The following USP37 variants were observed in gnomAD, a reference collection of about 807,000 sequenced individuals.
USP37 encodes the protein ubiquitin carboxyl-terminal hydrolase 37.
In USP37, 27 loss-of-function variants were observed where a neutral mutation model predicts 124.0. The ratio of observed to expected loss-of-function variants is 0.22; its 90% CI spans 0.16 to 0.30. The LOEUF is 0.30. Ranked by LOEUF, USP37 falls within the 10% of genes least tolerant of loss-of-function variation. The pLI, the probability that USP37 is intolerant of heterozygous loss-of-function variation, is 1.00. For missense variants in USP37, 889 were observed against 1,140.4 expected (o/e 0.78, Z 3.17); for synonymous variants, 365 against 388.0 (o/e 0.94, Z 0.70).
At chr2:218,511,604 C>G (rs969405860) in intron 10 of USP37, among the ~76,000 whole-genome samples, 1 of 152,132 alleles carries the variant, frequency 6.6e-6, no homozygotes, top group Non-Finnish European at 1.5e-5. Context: ...GCCACCATGC[C>G]CAGCCTAATT....
chr2:218,466,216 A>T, intron 20 of USP37, 40 bp from the exon 21 acceptor site: 3 of 1,557,188 alleles, frequency 1.9e-6, no homozygotes, highest in Non-Finnish European at 2.6e-6. Context: ...GAAAATCCTA[A>T]TAAATGGAAA....
intron 20 of USP37, among the ~76,000 whole-genome samples, chr2:218,467,351 CTATCTATT>C (rs1471713246): frequency 1.3e-4 from 16 of 127,138 alleles, no homozygotes; most frequent in African/African-American, 2.9e-4. Context: ...ATCTATCTAT[CTATCTATT>C]TTTTTTTGAG....
intron 17 of USP37, among the ~76,000 whole-genome samples, chr2:218,480,945 T>C (rs1397028590): frequency 1.3e-5 from 2 of 152,340 alleles, no homozygotes; most frequent in East Asian, 1.9e-4. Context: ...TAAACTTCTA[T>C]GAGACGTGGC....
intron 9 of USP37, 50 bp from the exon 10 acceptor site, chr2:218,530,090 C>A: frequency 7.1e-7 from 1 of 1,413,498 alleles, no homozygotes; most frequent in Non-Finnish European, 9.8e-7. Flanking sequence ...ATCAACCATT[C>A]AAGTTCATTT....
intron 11 of USP37, among the ~76,000 whole-genome samples, chr2:218,506,281 TCTGG>T (rs1429832907): frequency 2.9e-5 from 4 of 138,870 alleles, no homozygotes; most frequent in African/African-American, 1.1e-4. Flanking sequence ...CTACTTTCTT[TCTGG>T]CTTTTTTTTT....
chr2:218,493,442 A>C (rs1394686326), intron 14 of USP37, among the ~76,000 whole-genome samples: 1 of 152,176 alleles, frequency 6.6e-6, no homozygotes, highest in Non-Finnish European at 1.5e-5. Flanking sequence ...CCACTGGCAC[A>C]GTGTAGAAGC....
chr2:218,535,975 C>T (rs1691612618), intron 8 of USP37, among the ~76,000 whole-genome samples: 1 of 133,918 alleles, frequency 7.5e-6, no homozygotes, highest in Admixed American at 8.8e-5. Context: ...AGGGATCACG[C>T]CATTGCACTC....
At chr2:218,509,749 C>A (rs182838086) in intron 11 of USP37, among the ~76,000 whole-genome samples, 4 of 152,094 alleles carry the variant, frequency 2.6e-5, no homozygotes, top group Non-Finnish European at 4.4e-5. Context: ...GGAAAATACA[C>A]ATTTTCTGCT....
chr2:218,518,165 G>A (rs544271461), intron 10 of USP37, among the ~76,000 whole-genome samples: 17 of 151,818 alleles, frequency 1.1e-4, no homozygotes, highest in Non-Finnish European at 1.0e-4. Context: ...AATGTTGCCC[G>A]GGCTGGTCTC....
chr2:218,482,508 G>C (rs1410775475), intron 16 of USP37, among the ~76,000 whole-genome samples: 1 of 152,064 alleles, frequency 6.6e-6, no homozygotes, highest in Non-Finnish European at 1.5e-5. Context: ...TAGCAGACAA[G>C]AATGTTAAAT....
chr2:218,499,679 T>C (rs1689266326), intron 11 of USP37, among the ~76,000 whole-genome samples: 1 of 152,144 alleles, frequency 6.6e-6, no homozygotes, highest in Non-Finnish European at 1.5e-5. Flanking sequence ...ACATGCTGTT[T>C]TCATGTATGT....
chr2:218,549,878 A>G lies in USP37; in HGVS notation c.360T>C (p.Phe120=). The G allele has an allele frequency of 6.2e-7, 1 of 1,612,540 alleles. No individual in the cohort carries two copies. Among genetic ancestry groups the G allele is most frequent in the South Asian group, 1.1e-5 (1 of 90,908 alleles). ...AMKPSQGSGS[F]GAILGSRTSQ... ...AGGTCCTGCTGCCCAGAATGGCTCC[A>G]AAACTACCAGACCCCTGAGACGGTT... The change falls in exon 6 of 26, where the codon TTT becomes TTC. Residue 120 remains phenylalanine, a synonymous_variant. Transcript: ENST00000258399.
At chr2:218,456,757 C>T (rs897309128) in intron 24 of USP37, among the ~76,000 whole-genome samples, 1 of 151,988 alleles carries the variant, frequency 6.6e-6, no homozygotes, top group Admixed American at 6.6e-5. Context: ...ATCTCTTGAT[C>T]CCAGGAGTTC....
In USP37 at chr2:218,486,006, TAAA is replaced by T. The variant is rs1691541958; in HGVS notation, c.1591-266_1591-264del. On this transcript the variant is annotated intron_variant, in intron 15 of 25. Transcript: ENST00000258399. Reference sequence around the variant, plus strand: ...TAAATTTATGATAGTAACTAGACTCTAAAATAGAAGATTCTTAGCCTTTTCAGC... The same window carrying T: ...TAAATTTATGATAGTAACTAGACTCTATAGAAGATTCTTAGCCTTTTCAGC... 1.4e-5 allele frequency: 5 copies of T among 368,344 alleles called. No homozygotes were observed. The Admixed American group carries it at 2.2e-4, about 17-fold the overall frequency. The allele number at this position is 368,344 out of a possible 1,614,324, so 22.8% of individuals were successfully genotyped here.
intron 20 of USP37, among the ~76,000 whole-genome samples, chr2:218,469,378 A>G (rs2106414136): frequency 6.6e-6 from 1 of 152,250 alleles, no homozygotes; most frequent in East Asian, 1.9e-4. Flanking sequence ...AACCAATCAG[A>G]TTATCTGTTT....
intron 10 of USP37, among the ~76,000 whole-genome samples, chr2:218,527,293 C>G (rs971839938): frequency 6.6e-6 from 1 of 152,218 alleles, no homozygotes; most frequent in Non-Finnish European, 1.5e-5. Context: ...AGTAGGAAAG[C>G]AGCATATTTA....
At chr2:218,540,895 G>C (rs1399702846) in intron 8 of USP37, among the ~76,000 whole-genome samples, 1 of 152,096 alleles carries the variant, frequency 6.6e-6, no homozygotes, top group East Asian at 1.9e-4. Flanking sequence ...TGCAGAATAG[G>C]AGGTACAATG....
chr2:218,556,503 G>GTTTTTT (rs34907421), intron 4 of USP37, among the ~76,000 whole-genome samples: 8 of 53,830 alleles, frequency 1.5e-4, no homozygotes, highest in African/African-American at 1.8e-4. Flanking sequence ...GGGTTTTTCT[G>GTTTTTT]TTTTTTTTTT....
At position 218,537,908 on chromosome 2, in the gene USP37, A is replaced by C. The variant is rs372069592; in HGVS notation, c.681-3202T>G. ...TATTATTAAGCCCTGGAAGAGACAG[A>C]GCATCTGACTGATGGTCATCAAGGG... On this transcript the variant is annotated intron_variant, in intron 8 of 25. Coordinates refer to ENST00000258399, the MANE Select transcript of USP37 (RefSeq NM_020935.3). Among the ~76,000 whole-genome samples, 104 of 152,332 alleles carry C rather than the reference A, an allele frequency of 6.8e-4. 3 individuals are homozygous for C. The South Asian group carries it at 0.016, about 23-fold the overall frequency.
Sources: allele counts gnomAD v4.1 joint callset (sites outside exome capture counted in the v4.1 genomes callset), GRCh38; gene constraint gnomAD v4.1.1; transcripts MANE v1.5; gene names NCBI Gene and HGNC (gene_info 2026-07-23, HGNC 2026-07-21).